Variants in FER1L6 observed in about 807,000 individuals in gnomAD.
FER1L6 encodes the protein fer-1 like family member 6, also known as fer-1-like protein 6.
A neutral mutation model predicts 219.2 loss-of-function variants in FER1L6; 177 were observed. That is an observed-to-expected ratio of 0.81 (90% CI 0.71 to 0.91). FER1L6 has a LOEUF of 0.91. Among genes scored for constraint, FER1L6 ranks in the 40% least tolerant of loss-of-function variants. The pLI is 0.00. For missense variants in FER1L6, 2,153 were observed against 2,259.9 expected (o/e 0.95, Z 0.96); for synonymous variants, 768 against 824.3 (o/e 0.93, Z 1.17).
At chr8:124,029,656 G>C (rs1452477103) in intron 18 of FER1L6, among the ~76,000 whole-genome samples, 1 of 151,994 alleles carries the variant, frequency 6.6e-6, no homozygotes, top group Non-Finnish European at 1.5e-5. Context: ...TGTAAATTCT[G>C]GATATTAGAC....
At chr8:124,075,681 G>T (rs1331243795) in intron 31 of FER1L6, among the ~76,000 whole-genome samples, 1 of 152,062 alleles carries the variant, frequency 6.6e-6, no homozygotes, top group Non-Finnish European at 1.5e-5. Flanking sequence ...TTTGTTTATA[G>T]CATCACCACA....
At position 124,060,126 on chromosome 8, in the gene FER1L6, G is replaced by C; in HGVS notation, c.2875-54G>C. ...ACTGATGAGGTGGTTGTGTGGCACT[G>C]TTGCCTTCCCTGTGTCTCTCCAGCA... On this transcript the variant is annotated intron_variant, in intron 22 of 40. Transcript: ENST00000522917. 2.2e-6 allele frequency: 3 copies of C among 1,372,594 alleles called. 1 individual carries two copies. In the South Asian group the frequency reaches 3.5e-5, roughly 16 times the overall value. The allele number at this position is 1,372,594 out of a possible 1,614,324, so 85.0% of individuals were successfully genotyped here.
chr8:123,964,348 T>G (rs1461860802), intron 3 of FER1L6, among the ~76,000 whole-genome samples: 1 of 152,208 alleles, frequency 6.6e-6, no homozygotes, highest in Non-Finnish European at 1.5e-5. Flanking sequence ...AAGTTGTTAC[T>G]ATCAATAAAA....
chr8:123,903,200 C>T (rs1437036494), intron 1 of FER1L6, among the ~76,000 whole-genome samples: 2 of 152,146 alleles, frequency 1.3e-5, no homozygotes, highest in East Asian at 3.8e-4. Flanking sequence ...ACTGAGATAA[C>T]TTTGCTACAA....
rs775472917 is a variant in FER1L6 at position 124,039,763 on chromosome 8, G to A, written c.2465-119G>A. The A allele has an allele frequency of 7.2e-4, 920 of 1,284,204 alleles. 8 individuals are homozygous for A. Among genetic ancestry groups the A allele is most frequent in the East Asian group, 8.7e-4 (37 of 42,652 alleles). 79.6% of individuals were successfully genotyped at this position (1,284,204 alleles called of 1,614,324 possible). Reference sequence around the variant, plus strand: ...TCTCAGAGGAGGGTGGATGTGGCTGGTGGTCTCCTTTTGTCTGTCTGTGGA... The same window carrying A: ...TCTCAGAGGAGGGTGGATGTGGCTGATGGTCTCCTTTTGTCTGTCTGTGGA... On this transcript the variant is annotated intron_variant, in intron 19 of 40. Transcript: ENST00000522917.
At chr8:124,107,741 A>C (rs955603886) in intron 39 of FER1L6, among the ~76,000 whole-genome samples, 12 of 152,188 alleles carry the variant, frequency 7.9e-5, no homozygotes, top group Non-Finnish European at 2.9e-5. Context: ...GATTGACTCA[A>C]TGCAGAGTTT....
chr8:124,052,743 T>C (rs1050682827), intron 22 of FER1L6, among the ~76,000 whole-genome samples: 2 of 152,048 alleles, frequency 1.3e-5, no homozygotes, highest in Admixed American at 1.3e-4. Flanking sequence ...CGAGATCGTG[T>C]CACTGCACTC....
chr8:123,908,508 A>T (rs13272022), intron 1 of FER1L6, among the ~76,000 whole-genome samples: 87,777 of 152,166 alleles, frequency 0.58, 25,646 homozygotes, highest in South Asian at 0.75. Flanking sequence ...ACAGAAGCTC[A>T]AGTCTAGATG....
chr8:124,091,528 A>G lies in FER1L6; in HGVS notation c.4497A>G (p.Ile1499Met). The change falls in exon 34 of 41, where the codon ATA (isoleucine) becomes ATG (methionine). Residue 1499 changes from isoleucine to methionine, a missense_variant. By Grantham distance (10) the Ile-to-Met change is conservative. Coordinates refer to ENST00000522917, the MANE Select transcript of FER1L6 (RefSeq NM_001039112.2). ...LDGPYFHPGK[I>M]QIGNQVFSGK... is the part of the protein sequence containing the mutation. ...GACCCTACTTTCACCCTGGGAAAAT[A>G]CAGATAGGAAACCAAGTCTTTTCTG... The G allele has an allele frequency of 1.9e-6, 3 of 1,614,130 alleles. No homozygotes were observed. In the South Asian group the frequency reaches 3.3e-5, roughly 18 times the overall value.
At chr8:123,926,401 G>T (rs1408360922) in intron 1 of FER1L6, among the ~76,000 whole-genome samples, 4 of 152,318 alleles carry the variant, frequency 2.6e-5, no homozygotes, top group African/African-American at 9.6e-5. Context: ...AGGCCAGATT[G>T]TCTGGCTCCC....
chr8:123,895,048 T>C (rs941170261), intron 1 of FER1L6, among the ~76,000 whole-genome samples: 4 of 152,176 alleles, frequency 2.6e-5, no homozygotes, highest in Non-Finnish European at 5.9e-5. Context: ...AAAGTAAACA[T>C]AGTAATAAGG....
At chr8:124,003,441 C>A (rs1817509084) in intron 13 of FER1L6, 94 bp downstream of exon 13, 137 of 248,690 alleles carry the variant, frequency 5.5e-4, no homozygotes, top group Non-Finnish European at 8.3e-4. Flanking sequence ...TCACTAAAAT[C>A]AGAAATGTCC....
intron 19 of FER1L6, among the ~76,000 whole-genome samples, chr8:124,037,593 A>C (rs1309140314): frequency 1.3e-5 from 2 of 152,178 alleles, no homozygotes; most frequent in Non-Finnish European, 2.9e-5. Context: ...CCTGGACTTA[A>C]CTGGGAAGTG....
At chr8:124,035,228 A>C in intron 18 of FER1L6, 49 bp from the exon 19 acceptor site, 1 of 1,577,882 alleles carries the variant, frequency 6.3e-7, no homozygotes, top group East Asian at 2.2e-5. Flanking sequence ...GGGGAGGCCT[A>C]TAATTATCTC....
Position 123,986,548 on chromosome 8 carries a change from G to A in FER1L6, c.1519+372G>A, listed in dbSNP as rs137999001. On this transcript the variant is annotated intron_variant, in intron 12 of 40. Transcript: ENST00000522917. ...TACACTGTTTTAGTTACTTAAAAAC[G>A]TACAGTAAGTTGTTGTTGACTGTAC... is the stretch of plus-strand genomic sequence containing the variant. Among the ~76,000 whole-genome samples, 200 of 151,910 alleles carry A rather than the reference G, an allele frequency of 1.3e-3. 2 individuals are homozygous for A. Among genetic ancestry groups the A allele is most frequent in the Non-Finnish European group, 5.2e-4 (35 of 67,928 alleles).
intron 1 of FER1L6, among the ~76,000 whole-genome samples, chr8:123,876,837 C>G (rs1330022714): frequency 6.6e-6 from 1 of 152,124 alleles, no homozygotes; most frequent in Non-Finnish European, 1.5e-5. Context: ...ACTGATATAG[C>G]CTTAGAACTG....
intron 16 of FER1L6, among the ~76,000 whole-genome samples, chr8:124,021,033 G>A (rs912754046): frequency 6.6e-6 from 1 of 152,146 alleles, no homozygotes; most frequent in Admixed American, 6.5e-5. Flanking sequence ...GGAGGAGCAA[G>A]TCACATCTTA....
In FER1L6 at chr8:124,010,658, G is replaced by T; in HGVS notation, c.1765G>T (p.Asp589Tyr). The T allele has an allele frequency of 1.2e-6, 2 of 1,614,078 alleles. No homozygotes were observed. Among genetic ancestry groups the T allele is most frequent in the Non-Finnish European group, 1.7e-6 (2 of 1,179,986 alleles). The change falls in exon 14 of 41, where the codon GAC becomes TAC. Residue 589 changes from aspartate to tyrosine, a missense_variant. Transcript: ENST00000522917. Reference sequence around the variant, plus strand: ...TGTCTATTTCATCAGCTCTTGGGGAGACCAGACCTTCAGGCTGCACTGGTC... The same window carrying T: ...TGTCTATTTCATCAGCTCTTGGGGATACCAGACCTTCAGGCTGCACTGGTC... ...PCVYFISSWG[D>Y]QTFRLHWSNM...
chr8:124,069,069 T>A (rs1820952152), intron 28 of FER1L6, among the ~76,000 whole-genome samples: 1 of 152,008 alleles, frequency 6.6e-6, no homozygotes, highest in South Asian at 2.1e-4. Flanking sequence ...CCCGAGTAGC[T>A]GGGACTACAG....
Sources: allele counts gnomAD v4.1 joint callset (sites outside exome capture counted in the v4.1 genomes callset), GRCh38; gene constraint gnomAD v4.1.1; transcripts MANE v1.5; gene names NCBI Gene and HGNC (gene_info 2026-07-23, HGNC 2026-07-21).